The following MECOM variants were observed in gnomAD, a reference collection of about 807,000 sequenced individuals.
MECOM encodes the protein MDS1 and EVI1 complex locus, also known as histone-lysine N-methyltransferase MECOM.
A neutral mutation model predicts 116.3 loss-of-function variants in MECOM; 13 were observed. The observed-to-expected ratio is 0.11, with a 90% CI of 0.07 to 0.18. The LOEUF (loss-of-function observed/expected upper bound fraction) is 0.18. Among genes scored for constraint, MECOM ranks in the 10% least tolerant of loss-of-function variants. The pLI, the probability that MECOM is intolerant of heterozygous loss-of-function variation, is 1.00. For missense variants in MECOM, 1,299 were observed against 1,509.0 expected (o/e 0.86, Z 2.31); for synonymous variants, 528 against 535.2 (o/e 0.99, Z 0.19).
chr3:169,189,730 C>A (rs150367492), intron 2 of MECOM, among the ~76,000 whole-genome samples: 1 of 152,040 alleles, frequency 6.6e-6, no homozygotes, highest in Non-Finnish European at 1.5e-5. Flanking sequence ...CCTAAAAGAC[C>A]GCTATGTATT....
intron 2 of MECOM, among the ~76,000 whole-genome samples, chr3:169,365,348 G>A (rs1363726944): frequency 6.6e-6 from 1 of 152,056 alleles, no homozygotes; most frequent in Non-Finnish European, 1.5e-5. Context: ...GGCTAGTATA[G>A]TCGCTTCTCT....
At chr3:169,173,470 T>C (rs890334154) in intron 2 of MECOM, among the ~76,000 whole-genome samples, 8 of 152,210 alleles carry the variant, frequency 5.3e-5, no homozygotes, top group Non-Finnish European at 7.3e-5. Flanking sequence ...GTTTATCCTG[T>C]TGTCCCAGAG....
chr3:169,406,666 T>A (rs994648315), intron 1 of MECOM, among the ~76,000 whole-genome samples: 4 of 152,174 alleles, frequency 2.6e-5, no homozygotes, highest in African/African-American at 9.7e-5. Flanking sequence ...TTATCTTATT[T>A]AATGTCACCG....
chr3:169,185,275 G>A (rs1473858872), intron 2 of MECOM, among the ~76,000 whole-genome samples: 1 of 152,152 alleles, frequency 6.6e-6, no homozygotes, highest in Non-Finnish European at 1.5e-5. Flanking sequence ...GAGAACTGTG[G>A]AGGGGAGAAT....
intron 2 of MECOM, among the ~76,000 whole-genome samples, chr3:169,144,288 A>G (rs1560268736): frequency 6.6e-6 from 1 of 151,956 alleles, no homozygotes; most frequent in Non-Finnish European, 1.5e-5. Context: ...TTAGCATCTC[A>G]TTACCATGAA....
intron 1 of MECOM, among the ~76,000 whole-genome samples, chr3:169,401,690 G>A (rs971348929): frequency 2.0e-5 from 3 of 152,102 alleles, no homozygotes; most frequent in African/African-American, 4.8e-5. Context: ...CTTTGAAGGT[G>A]TTTCCCAGAG....
chr3:169,531,146 C>A (rs2109145517), intron 1 of MECOM, among the ~76,000 whole-genome samples: 1 of 152,324 alleles, frequency 6.6e-6, no homozygotes, highest in Middle Eastern at 3.4e-3. Flanking sequence ...ACCTGCAAAC[C>A]TGACAGCTCT....
At chr3:169,599,116 A>G (rs1021110793) in intron 1 of MECOM, among the ~76,000 whole-genome samples, 4 of 152,176 alleles carry the variant, frequency 2.6e-5, no homozygotes, top group Non-Finnish European at 5.9e-5. Context: ...CCTCATCCTC[A>G]CACCTTAAAT....
chr3:169,147,752 G>A (rs1192848993), intron 2 of MECOM: 6 of 982,416 alleles, frequency 6.1e-6, no homozygotes, highest in Non-Finnish European at 6.0e-6. Context: ...GTGTGTGTGT[G>A]CATGTGTGTG....
chr3:169,364,249 G>A (rs548335412), intron 2 of MECOM, among the ~76,000 whole-genome samples: 8 of 151,930 alleles, frequency 5.3e-5, no homozygotes, highest in African/African-American at 1.7e-4. Flanking sequence ...GAAAGAAGTC[G>A]ACTGTTTTGT....
chr3:169,280,620 GT>G (rs747846805), intron 2 of MECOM, among the ~76,000 whole-genome samples: 3 of 152,204 alleles, frequency 2.0e-5, no homozygotes, highest in Non-Finnish European at 4.4e-5. Flanking sequence ...TGGCCACAGT[GT>G]AGGCTGTAGC....
chr3:169,374,115 G>A (rs953318709), intron 2 of MECOM, among the ~76,000 whole-genome samples: 2 of 151,632 alleles, frequency 1.3e-5, no homozygotes, highest in African/African-American at 4.8e-5. Context: ...AGGAGAGAGA[G>A]CAGAGAGCTT....
intron 7 of MECOM, among the ~76,000 whole-genome samples, chr3:169,118,050 C>T (rs186134501): frequency 7.9e-5 from 12 of 152,074 alleles, no homozygotes; most frequent in African/African-American, 2.7e-4. Flanking sequence ...CATATGATGG[C>T]TGCCTTTAAG....
intron 2 of MECOM, among the ~76,000 whole-genome samples, chr3:169,240,687 T>G (rs1754679246): frequency 6.6e-6 from 1 of 152,100 alleles, no homozygotes; most frequent in African/African-American, 2.4e-5. Context: ...GGATGATCCA[T>G]AAAGTCATGA....
chr3:169,536,386 G>T (rs906120244), intron 1 of MECOM, among the ~76,000 whole-genome samples: 1 of 125,982 alleles, frequency 7.9e-6, no homozygotes, highest in Non-Finnish European at 1.6e-5. Context: ...TTTAAGATCA[G>T]CATTGGCATC....
At chr3:169,480,667 G>A (rs529798204) in intron 1 of MECOM, among the ~76,000 whole-genome samples, 2 of 152,156 alleles carry the variant, frequency 1.3e-5, no homozygotes, top group Admixed American at 6.5e-5. Context: ...ATGATAGGGC[G>A]ACCTGGTAAC....
intron 15 of MECOM, among the ~76,000 whole-genome samples, chr3:169,089,506 T>C (rs550940200): frequency 6.6e-6 from 1 of 152,232 alleles, no homozygotes; most frequent in South Asian, 2.1e-4. Flanking sequence ...ATTATGACAA[T>C]ATTTAGTCAA....
intron 1 of MECOM, among the ~76,000 whole-genome samples, chr3:169,556,073 T>A (rs1220264395): frequency 6.6e-6 from 1 of 152,232 alleles, no homozygotes; most frequent in Admixed American, 6.5e-5. Flanking sequence ...TTTTGGTTAG[T>A]GAAATGACAA....
At chr3:169,317,035 T>C (rs1368917740) in intron 2 of MECOM, among the ~76,000 whole-genome samples, 1 of 152,212 alleles carries the variant, frequency 6.6e-6, no homozygotes, top group Non-Finnish European at 1.5e-5. Context: ...GACTTAACTA[T>C]TTCCCAGCGT....
Sources: allele counts gnomAD v4.1 joint callset (sites outside exome capture counted in the v4.1 genomes callset), GRCh38; gene constraint gnomAD v4.1.1; transcripts MANE v1.5; gene names NCBI Gene and HGNC (gene_info 2026-07-23, HGNC 2026-07-21).